Variants in CLASP2 observed in about 807,000 individuals in gnomAD.
The protein encoded by CLASP2 is cytoplasmic linker associated protein 2.
Under a neutral mutation model 194.4 loss-of-function variants are expected in CLASP2, and 47 were observed. The ratio of observed to expected loss-of-function variants is 0.24; its 90% confidence interval spans 0.19 to 0.31. The LOEUF is 0.31. CLASP2 is among the 10% of genes least tolerant of loss of function. The probability of loss-of-function intolerance (pLI) is 1.00; values close to 1 mark genes in which losing one functional copy is unlikely to be tolerated. For missense variants in CLASP2, 1,445 were observed against 1,823.6 expected (o/e 0.79, Z 3.78); for synonymous variants, 619 against 633.5 (o/e 0.98, Z 0.34).
intron 18 of CLASP2, 33 bp downstream of exon 18, chr3:33,602,919 C>T (rs565438640): frequency 1.8e-5 from 29 of 1,583,256 alleles, no homozygotes; most frequent in Non-Finnish European, 2.2e-5. Flanking sequence ...AGGGAGAGAA[C>T]ATGGTACAAT....
At chr3:33,665,154 G>GA (rs1457134245) in intron 6 of CLASP2, among the ~76,000 whole-genome samples, 3 of 151,898 alleles carry the variant, frequency 2.0e-5, no homozygotes, top group Non-Finnish European at 4.4e-5. Context: ...AGCTGTTTGA[G>GA]AAAAAGCAGA....
chr3:33,615,432 G>GA (rs1020590736), intron 12 of CLASP2, among the ~76,000 whole-genome samples: 3 of 132,150 alleles, frequency 2.3e-5, no homozygotes, highest in Non-Finnish European at 3.3e-5. Flanking sequence ...CAAAATATAA[G>GA]AAAAAAATAC....
intron 6 of CLASP2, among the ~76,000 whole-genome samples, chr3:33,677,664 C>T (rs2089000855): frequency 6.7e-6 from 1 of 149,856 alleles, no homozygotes. Context: ...TGTAACTAAC[C>T]TGCACAGTGC....
At chr3:33,664,135 A>T (rs534306952) in intron 6 of CLASP2, among the ~76,000 whole-genome samples, 70 of 152,328 alleles carry the variant, frequency 4.6e-4, no homozygotes, top group African/African-American at 1.6e-3. Context: ...TATAAAAGAA[A>T]ATTAGGAAAT....
intron 7 of CLASP2, chr3:33,645,175 AAGT>A: frequency 1.3e-6 from 1 of 751,950 alleles, no homozygotes; most frequent in South Asian, 1.4e-5. Flanking sequence ...AAGGTAGTAA[AAGT>A]ATTTTTCATG....
At chr3:33,499,758 C>T (rs765224779) in intron 38 of CLASP2, among the ~76,000 whole-genome samples, 22 of 152,060 alleles carry the variant, frequency 1.4e-4, no homozygotes, top group Non-Finnish European at 2.2e-4. Flanking sequence ...AGGTGTTACA[C>T]GATATGCTGT....
intron 15 of CLASP2, 105 bp downstream of exon 15, chr3:33,607,279 G>T: frequency 1.5e-6 from 1 of 684,528 alleles, no homozygotes; most frequent in Non-Finnish European, 2.3e-6. Context: ...TTACTGGAGG[G>T]CTAGTCAAGT....
At chr3:33,607,490 A>G in intron 14 of CLASP2, 29 bp from the exon 15 acceptor site, 1 of 1,495,718 alleles carries the variant, frequency 6.7e-7, no homozygotes, top group Non-Finnish European at 9.2e-7. Flanking sequence ...CTTTAGAGTT[A>G]TGATATAGCT....
intron 6 of CLASP2, among the ~76,000 whole-genome samples, chr3:33,669,618 GAAC>G (rs1046703695): frequency 4.0e-5 from 6 of 150,316 alleles, no homozygotes; most frequent in Admixed American, 3.3e-4. Context: ...GGCCTGAAAA[GAAC>G]ACCACAAAAG....
chr3:33,539,847 G>A (rs1419943241), intron 32 of CLASP2, among the ~76,000 whole-genome samples: 1 of 151,986 alleles, frequency 6.6e-6, no homozygotes, highest in Admixed American at 6.6e-5. Flanking sequence ...TAATGGTACT[G>A]CTTGACAAAG....
At chr3:33,538,084 T>A (rs187443648) in intron 33 of CLASP2, among the ~76,000 whole-genome samples, 15 of 151,142 alleles carry the variant, frequency 9.9e-5, no homozygotes, top group Middle Eastern at 6.9e-3. Flanking sequence ...GAGCTTGCAG[T>A]GAGCCGAGAT....
In CLASP2 at chr3:33,498,554, G is replaced by A; in HGVS notation, c.*77C>T. 1.1e-6 allele frequency: 1 copy of A among 908,858 alleles called. No homozygotes were observed. The highest frequency in any genetic ancestry group is 1.7e-5 in the African/African-American group (1 of 59,974). 56.3% of individuals were successfully genotyped at this position (908,858 alleles called of 1,614,324 possible). A position where few individuals can be genotyped will look rare whatever the true frequency, so the allele number is the denominator to read the frequency against. ...ATAGTAAGTTCCAAAGGATGTGTTT[G>A]AGAACTTCCTTTCATTGATGAGGGT... On this transcript the variant is annotated 3_prime_UTR_variant, in exon 39 of 39. Coordinates refer to ENST00000682230, the MANE Select transcript of CLASP2 (RefSeq NM_001365631.1).
At chr3:33,717,692 GTT>G in intron 1 of CLASP2, 114 bp downstream of exon 1, 1 of 1,137,438 alleles carries the variant, frequency 8.8e-7, no homozygotes, top group Non-Finnish European at 1.2e-6. Flanking sequence ...CCCAAAGTGT[GTT>G]TCCCCTCTTA....
At chr3:33,599,559 T>C (rs1448483036) in intron 18 of CLASP2, among the ~76,000 whole-genome samples, 2 of 152,124 alleles carry the variant, frequency 1.3e-5, no homozygotes, top group Non-Finnish European at 1.5e-5. Context: ...AACCTACCAA[T>C]AGACTGAGAG....
chr3:33,674,784 T>C (rs1286864170), intron 6 of CLASP2, among the ~76,000 whole-genome samples: 2 of 152,088 alleles, frequency 1.3e-5, no homozygotes, highest in Non-Finnish European at 2.9e-5. Context: ...AAATACAAAC[T>C]ACCATCAGAG....
chr3:33,698,675 A>T (rs1359773088), intron 1 of CLASP2, among the ~76,000 whole-genome samples: 1 of 152,236 alleles, frequency 6.6e-6, no homozygotes. Flanking sequence ...TATAGCAATC[A>T]TAACATTGAA....
At chr3:33,625,060 C>A (rs2077756535) in intron 10 of CLASP2, among the ~76,000 whole-genome samples, 1 of 151,788 alleles carries the variant, frequency 6.6e-6, no homozygotes, top group African/African-American at 2.4e-5. Context: ...TAAAATCTAA[C>A]CTACAAAAAT....
chr3:33,513,344 G>A (rs1297773706), intron 36 of CLASP2, among the ~76,000 whole-genome samples: 1 of 152,090 alleles, frequency 6.6e-6, no homozygotes, highest in Non-Finnish European at 1.5e-5. Flanking sequence ...TTCGAGACCA[G>A]CCTTGCAAAC....
intron 12 of CLASP2, among the ~76,000 whole-genome samples, chr3:33,613,452 C>CA (rs1178343542): frequency 1.3e-5 from 2 of 152,172 alleles, no homozygotes; most frequent in Non-Finnish European, 2.9e-5. Flanking sequence ...AAGACACTGG[C>CA]AACAGAAGGC....
Sources: gnomAD v4.1 joint callset for allele counts (sites outside exome capture counted in the v4.1 genomes callset) on GRCh38, gnomAD v4.1.1 for gene constraint, MANE v1.5 for transcripts, NCBI Gene and HGNC (gene_info 2026-07-23, HGNC 2026-07-21) for gene names.